KCNJ12: variants seen among roughly 807,000 people sequenced by gnomAD.
The protein encoded by KCNJ12 is ATP-sensitive inward rectifier potassium channel 12.
In KCNJ12, 2 loss-of-function variants were observed where a neutral mutation model predicts 22.3. The observed-to-expected ratio is 0.09, with a 90% confidence interval of 0.04 to 0.28. The LOEUF is 0.28. Among genes scored for constraint, KCNJ12 ranks in the 10% least tolerant of loss-of-function variants. KCNJ12 has a pLI of 1.00. For missense variants in KCNJ12, 155 were observed against 633.3 expected, an observed-to-expected ratio of 0.24 and a Z score of 8.11; for synonymous variants, 117 against 261.4, an observed-to-expected ratio of 0.45 and a Z score of 5.33.
chr17:21,419,131 G>T lies in KCNJ12; in HGVS notation c.*2487G>T, dbSNP rs1907005710. The stretch of plus-strand genomic sequence containing the variant: ...CTCTTTAGTGCACTTGAAGCGGGAG[G>T]GCGGATGGGATGAGCCAGGAGCGAG... On this transcript the variant is annotated 3_prime_UTR_variant, in exon 3 of 3. Transcript: ENST00000583088. 1 of 167,008 alleles carries T rather than the reference G, an allele frequency of 6.0e-6. No homozygotes were observed. Among genetic ancestry groups the T allele is most frequent in the South Asian group, 2.1e-4 (1 of 4,828 alleles). 10.3% of individuals were successfully genotyped at this position (167,008 alleles called of 1,614,324 possible). A position where few individuals can be genotyped will look rare whatever the true frequency, so the allele number is the denominator to read the frequency against.
At chr17:21,411,040 GTCT>G in intron 2 of KCNJ12, among the ~76,000 whole-genome samples, 1 of 152,312 alleles carries the variant, frequency 6.6e-6, no homozygotes, top group Non-Finnish European at 1.5e-5. Context: ...GAGTCCCTAT[GTCT>G]TACCCTGGGT....
chr17:21,384,133 C>CT (rs1305975323), intron 1 of KCNJ12, among the ~76,000 whole-genome samples: 1 of 152,096 alleles, frequency 6.6e-6, no homozygotes, highest in Non-Finnish European at 1.5e-5. Flanking sequence ...TCTAAGTTGC[C>CT]TTTTTTTAAA....
intron 2 of KCNJ12, among the ~76,000 whole-genome samples, chr17:21,415,047 C>T (rs1906616190): frequency 6.6e-6 from 1 of 152,308 alleles, no homozygotes; most frequent in South Asian, 2.1e-4. Flanking sequence ...CTCTTCAGAG[C>T]CCTCAGTGTG....
chr17:21,411,521 C>A (rs1462711241), intron 2 of KCNJ12, among the ~76,000 whole-genome samples: 1 of 152,312 alleles, frequency 6.6e-6, no homozygotes, highest in Admixed American at 6.5e-5. Context: ...TCCCGGCGAC[C>A]CTGGGACCCT....
At chr17:21,405,864 A>T (rs1905896820) in intron 1 of KCNJ12, among the ~76,000 whole-genome samples, 1 of 152,302 alleles carries the variant, frequency 6.6e-6, no homozygotes. Context: ...CTGCACTGTG[A>T]CTTCAGGAAA....
chr17:21,413,693 G>A (rs1477095447), intron 2 of KCNJ12, among the ~76,000 whole-genome samples: 12 of 152,310 alleles, frequency 7.9e-5, no homozygotes, highest in African/African-American at 2.9e-4. Flanking sequence ...AGGCCAGTGT[G>A]GGGCCTTTAG....
intron 1 of KCNJ12, among the ~76,000 whole-genome samples, chr17:21,407,591 C>A (rs1362263147): frequency 6.7e-6 from 1 of 149,882 alleles, no homozygotes; most frequent in Admixed American, 6.7e-5. Context: ...ATCCATCCAC[C>A]CATCCATCCA....
intron 1 of KCNJ12, among the ~76,000 whole-genome samples, chr17:21,382,901 C>T (rs908254525): frequency 6.6e-6 from 1 of 152,206 alleles, no homozygotes; most frequent in Admixed American, 6.5e-5. Flanking sequence ...CAAGGGTGTA[C>T]AGGAGGGTGC....
intron 1 of KCNJ12, among the ~76,000 whole-genome samples, chr17:21,386,745 A>G (rs1905082871): frequency 6.6e-6 from 1 of 152,072 alleles, no homozygotes; most frequent in Admixed American, 6.5e-5. Context: ...TGACCTTGTG[A>G]TCCGTCTACC....
intron 2 of KCNJ12, among the ~76,000 whole-genome samples, chr17:21,411,654 C>T (rs1227132099): frequency 6.6e-6 from 1 of 152,308 alleles, no homozygotes; most frequent in East Asian, 1.9e-4. Flanking sequence ...CTTGGTTCTC[C>T]CATCTGTGAA....
chr17:21,377,091 A>T (rs1173257897), intron 1 of KCNJ12, among the ~76,000 whole-genome samples, 178 bp downstream of exon 1: 1 of 152,190 alleles, frequency 6.6e-6, no homozygotes, highest in Non-Finnish European at 1.5e-5. Context: ...TTGGTGAGAC[A>T]TCGGAGGAAA....
In KCNJ12 at chr17:21,417,295, G is replaced by A. The variant is rs1435091318; in HGVS notation, c.*651G>A. 3.6e-5 allele frequency: 6 copies of A among 167,082 alleles called. No homozygotes were observed. Among genetic ancestry groups the A allele is most frequent in the South Asian group, 2.1e-4 (1 of 4,832 alleles). The allele number at this position is 167,082 out of a possible 1,614,324, so 10.3% of individuals were successfully genotyped here. ...TGGGACCGCACTTCATCGAGCTCAC[G>A]AGCCAGCTAGGCTCTGTTTGTGATA... On this transcript the variant is annotated 3_prime_UTR_variant, in exon 3 of 3. Coordinates refer to ENST00000583088, the MANE Select transcript of KCNJ12 (RefSeq NM_021012.5).
intron 1 of KCNJ12, among the ~76,000 whole-genome samples, chr17:21,386,905 A>C (rs975617203): frequency 1.3e-5 from 2 of 152,210 alleles, no homozygotes; most frequent in Non-Finnish European, 2.9e-5. Context: ...TTTTCATCTG[A>C]ATAAAGTCAT....
In KCNJ12 at chr17:21,415,302, G is replaced by C. The variant is rs1555562290; in HGVS notation, c.-41G>C. On this transcript the variant is annotated 5_prime_UTR_variant, in exon 3 of 3. Coordinates refer to ENST00000583088, the MANE Select transcript of KCNJ12 (RefSeq NM_021012.5). ...TCTGTTGCAGGAGCCGCCCTGCCTGGAGCTAGCCTGGGGGCGAGCCAGGGT... is the reference window on the plus strand; with the variant it reads ...TCTGTTGCAGGAGCCGCCCTGCCTGCAGCTAGCCTGGGGGCGAGCCAGGGT... 1 of 1,587,464 alleles carries C rather than the reference G, an allele frequency of 6.3e-7. No homozygotes were observed. Among genetic ancestry groups the C allele is most frequent in the Non-Finnish European group, 8.5e-7 (1 of 1,173,706 alleles).
chr17:21,413,655 C>A (rs1906508377), intron 2 of KCNJ12, among the ~76,000 whole-genome samples: 1 of 152,304 alleles, frequency 6.6e-6, no homozygotes, highest in African/African-American at 2.4e-5. Context: ...TAGCCCCTAG[C>A]TTGCAGATGC....
At chr17:21,384,770 G>GTTTTTTTTTT (rs200586129) in intron 1 of KCNJ12, among the ~76,000 whole-genome samples, 1 of 128,674 alleles carries the variant, frequency 7.8e-6, no homozygotes, top group Non-Finnish European at 1.7e-5. Context: ...TTGTTTGTTT[G>GTTTTTTTTTT]TTTTTTTTTT....
At chr17:21,387,416 T>TG (rs529679784) in intron 1 of KCNJ12, among the ~76,000 whole-genome samples, 226 of 117,976 alleles carry the variant, frequency 1.9e-3, no homozygotes, top group African/African-American at 7.4e-3. Context: ...CACTCCAGCC[T>TG]GGCGACAGAG....
Position 21,379,376 on chromosome 17 carries a change from C to T in KCNJ12, c.-179+2463C>T, listed in dbSNP as rs547171518. 4.6e-5 allele frequency among the ~76,000 whole-genome samples: 7 copies of T among 152,334 alleles called. No individual in the cohort carries two copies. The South Asian group carries it at 8.3e-4, about 18-fold the overall frequency. ...CCAGGCAGAAGGCTACTGGTACACA[C>T]GGTGCCCACCCAGTGGCCACCCTCA... On this transcript the variant is annotated intron_variant, in intron 1 of 2. Transcript: ENST00000583088.
chr17:21,416,472 A>C lies in KCNJ12; in HGVS notation c.1130A>C (p.Tyr377Ser), dbSNP rs782523167. 6.2e-7 allele frequency: 1 copy of C among 1,614,106 alleles called. No individual in the cohort carries two copies. The highest frequency in any genetic ancestry group is 2.2e-5 in the East Asian group (1 of 44,896). The change falls in exon 3 of 3, where the codon TAC (tyrosine) becomes TCC (serine). Residue 377 changes from tyrosine to serine, a missense_variant. Coordinates refer to ENST00000583088, the MANE Select transcript of KCNJ12 (RefSeq NM_021012.5). ...CTGCCCAGCGCCAACTCCTTCTGCT[A>C]CGAGAACGAGCTGGCCTTCCTGAGC... ...FLLPSANSFC[Y>S]ENELAFLSRD...
Sources: allele counts gnomAD v4.1 joint callset (sites outside exome capture counted in the v4.1 genomes callset), GRCh38; gene constraint gnomAD v4.1.1; transcripts MANE v1.5; gene names NCBI Gene and HGNC (gene_info 2026-07-23, HGNC 2026-07-21).